Variants in IL22 observed in about 807,000 individuals in gnomAD.
The protein encoded by IL22 is interleukin-22.
A neutral mutation model predicts 15.5 loss-of-function variants in IL22; 15 were observed. The ratio of observed to expected loss-of-function variants is 0.97; its 90% CI spans 0.65 to 1.49. The LOEUF is 1.49. IL22 is among the 40% of genes most tolerant of loss of function. The probability of loss-of-function intolerance (pLI) is 0.00; values close to 1 mark genes in which losing one functional copy is unlikely to be tolerated. For missense variants in IL22, 225 were observed against 215.4 expected, an observed-to-expected ratio of 1.04 and a Z score of -0.28; for synonymous variants, 91 against 82.0, an observed-to-expected ratio of 1.11 and a Z score of -0.60.
intron 5 of IL22, among the ~76,000 whole-genome samples, chr12:68,249,101 C>T (rs1869836271): frequency 6.6e-6 from 1 of 152,148 alleles, no homozygotes. Flanking sequence ...TTCAGGTGCA[C>T]CTCACACTAA....
At position 68,248,680 on chromosome 12, in the gene IL22, T is replaced by A; in HGVS notation, c.*119A>T. ...CAGGGGTTCATTTGGAATCCACCCA[T>A]CATGATGGAGTTTGGCTTCCCATCT... On this transcript the variant is annotated 3_prime_UTR_variant, in exon 6 of 6. Transcript: ENST00000538666. 1.3e-6 allele frequency: 1 copy of A among 746,254 alleles called. No individual in the cohort carries two copies. The highest frequency in any genetic ancestry group is 1.7e-5 in the South Asian group (1 of 58,226). The allele number at this position is 746,254 out of a possible 1,614,324, so 46.2% of individuals were successfully genotyped here. A position where few individuals can be genotyped will look rare whatever the true frequency, so the allele number is the denominator to read the frequency against.
At chr12:68,250,810 G>T (rs1390844345) in intron 5 of IL22, among the ~76,000 whole-genome samples, 1 of 152,154 alleles carries the variant, frequency 6.6e-6, no homozygotes, top group Non-Finnish European at 1.5e-5. Context: ...AGAAAAAAAA[G>T]CTTACCAATT....
rs1359195487 is a variant in IL22, at chr12:68,253,517, A to G, written c.-46-23T>C. ...AACCTGGTCGAAGACAACGTGAAGG[A>G]ACAAAATTAGTCAAGAAGTATTTCA... On this transcript the variant is annotated intron_variant, in intron 1 of 5. Transcript: ENST00000538666. 1.9e-5 allele frequency: 23 copies of G among 1,236,252 alleles called. No homozygotes were observed. In the South Asian group the frequency reaches 3.2e-4, roughly 17 times the overall value. The allele number at this position is 1,236,252 out of a possible 1,614,324, so 76.6% of individuals were successfully genotyped here.
chr12:68,253,343 T>C lies in IL22; in HGVS notation c.106A>G (p.Ile36Val). The change falls in exon 2 of 6, where the codon ATC (isoleucine) becomes GTC (valine). Residue 36 changes from isoleucine to valine, a missense_variant. Ile to Val is a conservative substitution (Grantham distance 29). Transcript: ENST00000538666. ...TTGTCAAGCCTGCAGTGGGAGCTGATGGGCGCAGCTGCTCCTCCCTGTACC... is the reference window on the plus strand; with the variant it reads ...TTGTCAAGCCTGCAGTGGGAGCTGACGGGCGCAGCTGCTCCTCCCTGTACC... ...LLVQGGAAAP[I>V]SSHCRLDKSN... 6.2e-7 allele frequency: 1 copy of C among 1,613,826 alleles called. No individual in the cohort carries two copies. The highest frequency in any genetic ancestry group is 1.1e-5 in the South Asian group (1 of 91,048).
At chr12:68,251,482 A>G in intron 5 of IL22, 31 bp downstream of exon 5, 1 of 1,500,248 alleles carries the variant, frequency 6.7e-7, no homozygotes, top group Non-Finnish European at 9.3e-7. Flanking sequence ...CTCCTATTGC[A>G]TGACTTAGCA....
At chr12:68,253,559 T>C (rs2227513) in intron 1 of IL22, 24 bp downstream of exon 1, 145,314 of 789,522 alleles carry the variant, frequency 0.18, 16,022 homozygotes, top group Non-Finnish European at 0.22. Context: ...TAACCAATTG[T>C]ACCAAGTTTG....
intron 5 of IL22, 112 bp from the exon 6 acceptor site, chr12:68,248,988 A>G: frequency 1.2e-6 from 1 of 833,444 alleles, no homozygotes; most frequent in East Asian, 2.5e-5. Context: ...AGTTTTAAGC[A>G]TTTGTAAAAC....
intron 5 of IL22, among the ~76,000 whole-genome samples, chr12:68,251,033 A>G (rs1592913716): frequency 3.3e-5 from 5 of 152,346 alleles, no homozygotes; most frequent in African/African-American, 1.2e-4. Context: ...TTATTCTTCC[A>G]AGTTTCAAAG....
Position 68,251,386 on chromosome 12 carries a change from A to C in IL22, c.462+127T>G. The C allele has an allele frequency of 4.2e-6, 3 of 720,248 alleles. No homozygotes were observed. The Admixed American group carries it at 6.2e-5, about 15-fold the overall frequency. 44.6% of individuals were successfully genotyped at this position (720,248 alleles called of 1,614,324 possible). A position where few individuals can be genotyped will look rare whatever the true frequency, so the allele number is the denominator to read the frequency against. On this transcript the variant is annotated intron_variant, in intron 5 of 5. Transcript: ENST00000538666. ...GATATATCTACATACACAGACACCAAAGTAATCGCCCTGGTGGTAGGAGAA... is the reference window on the plus strand; with the variant it reads ...GATATATCTACATACACAGACACCACAGTAATCGCCCTGGTGGTAGGAGAA...
Position 68,248,287 on chromosome 12 carries a change from CT to C in IL22, c.*511del, listed in dbSNP as rs1291050282. ...TTGAGGTCAAATAAACATGTTATAG[CT>C]CTATAATTATTGTCATAAATATCAA... On this transcript the variant is annotated 3_prime_UTR_variant, in exon 6 of 6. Transcript: ENST00000538666. The C allele has an allele frequency of 6.6e-6, 1 of 152,180 alleles. No individual in the cohort carries two copies. Among genetic ancestry groups the C allele is most frequent in the African/African-American group, 2.4e-5 (1 of 41,388 alleles). The allele number at this position is 152,180 out of a possible 1,614,324, so 9.4% of individuals were successfully genotyped here.
At chr12:68,249,400 A>G (rs572551422) in intron 5 of IL22, among the ~76,000 whole-genome samples, 1 of 152,294 alleles carries the variant, frequency 6.6e-6, no homozygotes, top group South Asian at 2.1e-4. Context: ...CTCATCAGCT[A>G]TTGTTCTTGT....
rs745338665 is a variant in IL22, at chr12:68,252,799, G to A, written c.217C>T (p.Arg73Cys). 4 of 1,613,882 alleles carry A rather than the reference G, an allele frequency of 2.5e-6. No homozygotes were observed. Among genetic ancestry groups the A allele is most frequent in the East Asian group, 2.2e-5 (1 of 44,874 alleles). ...TGGAACAGTTTCTCCCCAATGAGAC[G>A]AACGTCTGTGTTGTTATCAGCCAAG... Reference protein sequence around the residue: ...ASLADNNTDVRLIGEKLFHGV... With the variant: ...ASLADNNTDVCLIGEKLFHGV... The change falls in exon 3 of 6, where the codon CGT becomes TGT. Residue 73 changes from arginine (R) to cysteine (C), a missense_variant. By Grantham distance (180) the Arg-to-Cys change is radical. Transcript: ENST00000538666.
At position 68,253,556 on chromosome 12, in the gene IL22, T is replaced by A. The variant is rs148141333; in HGVS notation, c.-47+27A>T. ...AGAAGTATTTCATCAAACTAACCAA[T>A]TGTACCAAGTTTGCCGAAACGCTTA... On this transcript the variant is annotated intron_variant, in intron 1 of 5. Coordinates refer to ENST00000538666, the MANE Select transcript of IL22 (RefSeq NM_020525.5). 6.0e-6 allele frequency: 5 copies of A among 840,022 alleles called. No individual in the cohort carries two copies. The East Asian group carries it at 8.6e-5, about 14-fold the overall frequency. 52.0% of individuals were successfully genotyped at this position (840,022 alleles called of 1,614,324 possible). A position where few individuals can be genotyped will look rare whatever the true frequency, so the allele number is the denominator to read the frequency against.
At chr12:68,249,137 G>A (rs945371405) in intron 5 of IL22, among the ~76,000 whole-genome samples, 1 of 152,198 alleles carries the variant, frequency 6.6e-6, no homozygotes. Context: ...GCTGGGCAGA[G>A]AGTTGACCAC....
Position 68,253,425 on chromosome 12 carries a change from C to G in IL22, c.24G>C (p.Val8=). The G allele has an allele frequency of 1.2e-6, 2 of 1,605,520 alleles. No individual in the cohort carries two copies. MAALQKS[V]SSFLMGTLAT... Reference sequence around the variant, plus strand: ...CCAGGGTCCCCATAAGGAAAGAGCTCACAGATTTCTGCAGGGCGGCCATTG... The same window carrying G: ...CCAGGGTCCCCATAAGGAAAGAGCTGACAGATTTCTGCAGGGCGGCCATTG... The change falls in exon 2 of 6, where the codon GTG becomes GTC. Residue 8 remains valine, a synonymous_variant. Coordinates refer to ENST00000538666, the MANE Select transcript of IL22 (RefSeq NM_020525.5).
chr12:68,253,510 G>T lies in IL22; in HGVS notation c.-46-16C>A. 1.5e-6 allele frequency: 2 copies of T among 1,309,900 alleles called. No homozygotes were observed. Among genetic ancestry groups the T allele is most frequent in the African/African-American group, 1.5e-5 (1 of 67,008 alleles). The allele number at this position is 1,309,900 out of a possible 1,614,324, so 81.1% of individuals were successfully genotyped here. ...GAAGGAGAACCTGGTCGAAGACAAC[G>T]TGAAGGAACAAAATTAGTCAAGAAG... On this transcript the variant is annotated splice_polypyrimidine_tract_variant and intron_variant, in intron 1 of 5. Transcript: ENST00000538666.
intron 2 of IL22, 145 bp downstream of exon 2, chr12:68,253,118 A>G (rs1474808608): frequency 9.2e-6 from 6 of 654,282 alleles, no homozygotes; most frequent in South Asian, 7.9e-5. Flanking sequence ...ATTCCCAAAG[A>G]GTCTCTGAAA....
In IL22 at chr12:68,253,317, C is replaced by T. The variant is rs1435556686; in HGVS notation, c.132G>A (p.Lys44=). ...TGATATAGGGCTGCTGGAAGTTGGA[C>T]TTGTCAAGCCTGCAGTGGGAGCTGA... is the stretch of plus-strand genomic sequence containing the variant. The part of the protein sequence containing the change: ...APISSHCRLD[K]SNFQQPYITN... The change falls in exon 2 of 6, where the codon AAG becomes AAA. Residue 44 remains lysine, a synonymous_variant. Transcript: ENST00000538666. 15 of 1,613,858 alleles carry T rather than the reference C, an allele frequency of 9.3e-6. No individual in the cohort carries two copies. Among genetic ancestry groups the T allele is most frequent in the African/African-American group, 1.3e-5 (1 of 75,012 alleles).
In IL22 at chr12:68,253,254, G is replaced by A. The variant is rs1001517336; in HGVS notation, c.186+9C>T. On this transcript the variant is annotated intron_variant, in intron 2 of 5. Transcript: ENST00000538666. Reference sequence around the variant, plus strand: ...ATCCAACGAGAAAGAGCAGGATTGAGATGTATACCTCCTTAGCCAGCATGA... The same window carrying A: ...ATCCAACGAGAAAGAGCAGGATTGAAATGTATACCTCCTTAGCCAGCATGA... 12 of 1,608,046 alleles carry A rather than the reference G, an allele frequency of 7.5e-6. No individual in the cohort carries two copies. Among genetic ancestry groups the A allele is most frequent in the African/African-American group, 6.7e-5 (5 of 74,710 alleles).
Sources: allele counts gnomAD v4.1 joint callset (sites outside exome capture counted in the v4.1 genomes callset), GRCh38; gene constraint gnomAD v4.1.1; transcripts MANE v1.5; gene names NCBI Gene and HGNC (gene_info 2026-07-23, HGNC 2026-07-21).